PRRX1: variants seen among roughly 807,000 people sequenced by gnomAD.
The protein encoded by PRRX1 is paired mesoderm homeobox protein 1.
Under a neutral mutation model 24.0 loss-of-function variants are expected in PRRX1, and 8 were observed. That is an observed-to-expected ratio of 0.33 (90% CI 0.20 to 0.60). The LOEUF (loss-of-function observed/expected upper bound fraction) is 0.60. PRRX1 is among the 20% of genes least tolerant of loss of function. The pLI is 0.82. For synonymous variants in PRRX1, 160 were observed against 131.7 expected, an observed-to-expected ratio of 1.22 and a Z score of -1.47; for missense variants, 281 against 322.4, an observed-to-expected ratio of 0.87 and a Z score of 0.98.
rs1294220879 is a variant in PRRX1 at position 170,737,813 on chromosome 1, C to G, written c.*1627C>G. ...AATGGGATTAATAATACTTACCTAC[C>G]TCACAGGGGTGTTGTGAGGCTCTAT... On this transcript the variant is annotated 3_prime_UTR_variant, in exon 4 of 4. Transcript: ENST00000239461. 3 of 216,186 alleles carry G rather than the reference C, an allele frequency of 1.4e-5. No individual in the cohort carries two copies. The highest frequency in any genetic ancestry group is 2.8e-5 in the Non-Finnish European group (3 of 106,980). The allele number at this position is 216,186 out of a possible 1,614,324, so 13.4% of individuals were successfully genotyped here. A position where few individuals can be genotyped will look rare whatever the true frequency, so the allele number is the denominator to read the frequency against.
intron 1 of PRRX1, among the ~76,000 whole-genome samples, chr1:170,686,939 C>T (rs926093518): frequency 6.6e-6 from 1 of 152,112 alleles, no homozygotes; most frequent in African/African-American, 2.4e-5. Flanking sequence ...TTAGAATAAA[C>T]AAGAATTGAC....
chr1:170,705,312 C>T (rs945064684), intron 1 of PRRX1, among the ~76,000 whole-genome samples: 3 of 152,166 alleles, frequency 2.0e-5, no homozygotes, highest in African/African-American at 7.2e-5. Context: ...GGCAGGTTCT[C>T]ACTCTGTTGC....
Position 170,664,275 on chromosome 1 carries a change from G to C in PRRX1, c.57G>C (p.Leu19Phe). The C allele has an allele frequency of 6.2e-7, 1 of 1,613,138 alleles. No individual in the cohort carries two copies. Among genetic ancestry groups the C allele is most frequent in the Non-Finnish European group, 8.5e-7 (1 of 1,179,736 alleles). Residue 19 changes from leucine to phenylalanine, a missense_variant, in exon 1 of 4, where the codon TTG becomes TTC. Coordinates refer to ENST00000239461, the MANE Select transcript of PRRX1 (RefSeq NM_022716.4). ...LERQPALGGR[L>F]DSPGNLDTLQ... ...GGCAACCGGCGCTGGGCGGCCGCTT[G>C]GACAGCCCGGGCAACCTCGACACCC...
intron 1 of PRRX1, among the ~76,000 whole-genome samples, chr1:170,674,651 A>G (rs2101887392): frequency 6.6e-6 from 1 of 152,202 alleles, no homozygotes. Context: ...ACACCGCTGC[A>G]GTAAGCAAAT....
At chr1:170,714,617 T>C (rs1313528830) in intron 1 of PRRX1, among the ~76,000 whole-genome samples, 1 of 152,204 alleles carries the variant, frequency 6.6e-6, no homozygotes, top group Non-Finnish European at 1.5e-5. Context: ...ATCTCTAAGG[T>C]TCCTCCCACA....
At chr1:170,709,942 A>G (rs559446491) in intron 1 of PRRX1, among the ~76,000 whole-genome samples, 2 of 152,312 alleles carry the variant, frequency 1.3e-5, no homozygotes, top group African/African-American at 4.8e-5. Flanking sequence ...CTTTTAGTAA[A>G]TTTAGAAGAT....
intron 1 of PRRX1, among the ~76,000 whole-genome samples, chr1:170,699,432 T>C (rs1654280060): frequency 6.6e-6 from 1 of 151,994 alleles, no homozygotes; most frequent in Non-Finnish European, 1.5e-5. Flanking sequence ...GTCCCATTCA[T>C]GAGCTCTAGT....
chr1:170,669,714 C>G (rs933589766), intron 1 of PRRX1, among the ~76,000 whole-genome samples: 5 of 152,106 alleles, frequency 3.3e-5, no homozygotes, highest in African/African-American at 1.2e-4. Flanking sequence ...AGCACTAGGG[C>G]CCTCAGGTAC....
intron 1 of PRRX1, among the ~76,000 whole-genome samples, chr1:170,671,448 G>T (rs1653141314): frequency 6.6e-6 from 1 of 152,322 alleles, no homozygotes; most frequent in South Asian, 2.1e-4. Flanking sequence ...CTGCTGTAGC[G>T]ACGCCAGGCG....
At chr1:170,669,156 T>A (rs1489090924) in intron 1 of PRRX1, 1 of 151,772 alleles carries the variant, frequency 6.6e-6, no homozygotes, top group Non-Finnish European at 1.5e-5. Context: ...GGTCTCCAGA[T>A]CCCCCAACTC....
intron 1 of PRRX1, among the ~76,000 whole-genome samples, chr1:170,694,973 A>G (rs1235168553): frequency 6.6e-6 from 1 of 152,180 alleles, no homozygotes; most frequent in Non-Finnish European, 1.5e-5. Flanking sequence ...AAACTGACAT[A>G]GTCTAACAAT....
At chr1:170,714,356 T>A (rs2101913498) in intron 1 of PRRX1, among the ~76,000 whole-genome samples, 1 of 152,320 alleles carries the variant, frequency 6.6e-6, no homozygotes, top group South Asian at 2.1e-4. Flanking sequence ...CATTGTTCAA[T>A]GCCCATAAAA....
intron 1 of PRRX1, among the ~76,000 whole-genome samples, chr1:170,695,595 A>T (rs895519921): frequency 6.6e-6 from 1 of 152,134 alleles, no homozygotes; most frequent in African/African-American, 2.4e-5. Context: ...CAAGACCACA[A>T]TTTTTTATGT....
chr1:170,701,922 C>T (rs932377038), intron 1 of PRRX1, among the ~76,000 whole-genome samples: 1 of 151,552 alleles, frequency 6.6e-6, no homozygotes, highest in Non-Finnish European at 1.5e-5. Flanking sequence ...TATAGTCACC[C>T]GATAGCACTA....
At chr1:170,700,255 C>G (rs1003489630) in intron 1 of PRRX1, among the ~76,000 whole-genome samples, 3 of 152,090 alleles carry the variant, frequency 2.0e-5, no homozygotes, top group Non-Finnish European at 2.9e-5. Context: ...TCCAGTAGGT[C>G]TCAGGTGAAA....
chr1:170,697,593 A>C (rs1001844198), intron 1 of PRRX1, among the ~76,000 whole-genome samples: 1 of 151,056 alleles, frequency 6.6e-6, no homozygotes, highest in Admixed American at 6.6e-5. Context: ...TTTCTTATAT[A>C]GTTAAGAATA....
At chr1:170,695,762 T>C (rs1174193464) in intron 1 of PRRX1, among the ~76,000 whole-genome samples, 1 of 152,208 alleles carries the variant, frequency 6.6e-6, no homozygotes, top group Non-Finnish European at 1.5e-5. Context: ...GTGATCAGTA[T>C]GAACGTGCAT....
chr1:170,713,948 A>G (rs1438748591), intron 1 of PRRX1, among the ~76,000 whole-genome samples: 1 of 152,120 alleles, frequency 6.6e-6, no homozygotes, highest in Non-Finnish European at 1.5e-5. Flanking sequence ...TTCGCTCTTG[A>G]TACGTGCTGG....
intron 1 of PRRX1, among the ~76,000 whole-genome samples, chr1:170,695,053 G>T (rs1379347351): frequency 6.6e-6 from 1 of 152,144 alleles, no homozygotes; most frequent in Non-Finnish European, 1.5e-5. Flanking sequence ...CACTGGAAGA[G>T]TCTATCTCCT....
Sources: allele counts gnomAD v4.1 joint callset (sites outside exome capture counted in the v4.1 genomes callset), GRCh38; gene constraint gnomAD v4.1.1; transcripts MANE v1.5; gene names NCBI Gene and HGNC (gene_info 2026-07-23, HGNC 2026-07-21).